GSDMB: variants seen among roughly 807,000 people sequenced by gnomAD.
GSDMB encodes the protein gasdermin B, also known as gasdermin-B.
In GSDMB, 32 loss-of-function variants were observed where a neutral mutation model predicts 42.9. That is an observed-to-expected ratio of 0.75 (90% CI 0.56 to 1.00). GSDMB has a LOEUF of 1.00. GSDMB is among the 50% of genes least tolerant of loss of function. The probability of loss-of-function intolerance (pLI) is 0.00; values close to 1 mark genes in which losing one functional copy is unlikely to be tolerated. For missense variants in GSDMB, 468 were observed against 498.5 expected (o/e 0.94, Z 0.58); for synonymous variants, 175 against 193.7 (o/e 0.90, Z 0.80).
chr17:39,905,474 A>T lies in GSDMB; in HGVS notation c.1050T>A (p.Phe350Leu). ...TCCCCTTCTCCAGGGCCTCAGCCAC[A>T]AACTGCTGCTCTTCAGACAGCTCTG... ...ALLELSEEQQ[F>L]VAEALEKGTL... is the part of the protein sequence containing the mutation. Residue 350 changes from phenylalanine to leucine, a missense_variant, in exon 10 of 11, where the codon TTT (phenylalanine) becomes TTA (leucine). Coordinates refer to ENST00000418519, the MANE Select transcript of GSDMB (RefSeq NM_001165958.2). 1 of 1,610,262 alleles carries T rather than the reference A, an allele frequency of 6.2e-7. No individual in the cohort carries two copies. Among genetic ancestry groups the T allele is most frequent in the Non-Finnish European group, 8.5e-7 (1 of 1,178,272 alleles).
At chr17:39,912,997 C>T (rs1331925857) in intron 2 of GSDMB, among the ~76,000 whole-genome samples, 2 of 152,062 alleles carry the variant, frequency 1.3e-5, no homozygotes, top group Non-Finnish European at 1.5e-5. Context: ...ATCACAGCTA[C>T]TTGAGAGGCT....
At chr17:39,917,950 T>C (rs1458854592) in intron 1 of GSDMB, 1 of 152,576 alleles carries the variant, frequency 6.6e-6, no homozygotes, top group Non-Finnish European at 1.5e-5. Context: ...TCCCAGATTC[T>C]CCTCTGCCCC....
chr17:39,904,876 G>A lies in GSDMB; in HGVS notation c.1187C>T (p.Ala396Val), dbSNP rs1194440617. Residue 396 changes from alanine to valine, a missense_variant, in exon 11 of 11, where the codon GCG (alanine) becomes GTG (valine). Transcript: ENST00000418519. ...CAGGATAGAGACAACAACATACAGC[G>A]CACAGAGAATTCGTGCCTCAGGGTC... ...DYDPEARILC[A>V]LYVVVSILLE... The A allele has an allele frequency of 1.2e-5, 20 of 1,613,326 alleles. No homozygotes were observed. In the East Asian group the frequency reaches 1.6e-4, roughly 13 times the overall value.
At chr17:39,912,225 A>G in intron 3 of GSDMB, 101 bp downstream of exon 3, 1 of 801,140 alleles carries the variant, frequency 1.2e-6, no homozygotes, top group South Asian at 1.9e-5. Context: ...AAAAATAAAA[A>G]TAAATAAATT....
At chr17:39,910,011 A>G (rs2063579174) in intron 3 of GSDMB, 87 bp from the exon 4 acceptor site, 1 of 1,025,602 alleles carries the variant, frequency 9.8e-7, no homozygotes, top group Non-Finnish European at 1.5e-6. Flanking sequence ...GCCAGCTCCT[A>G]TTGAAGATTA....
At chr17:39,908,711 G>A (rs2063552305) in intron 5 of GSDMB, among the ~76,000 whole-genome samples, 1 of 152,152 alleles carries the variant, frequency 6.6e-6, no homozygotes, top group African/African-American at 2.4e-5. Context: ...TGGAGACTGG[G>A]AGAGGAGTTA....
chr17:39,916,180 GATA>G (rs1304334157), intron 2 of GSDMB, among the ~76,000 whole-genome samples: 3 of 151,956 alleles, frequency 2.0e-5, no homozygotes, highest in African/African-American at 4.8e-5. Flanking sequence ...AACATGAAAG[GATA>G]ATAAGAATCA....
chr17:39,906,451 T>A, intron 7 of GSDMB, 180 bp from the exon 8 acceptor site: 1 of 922,384 alleles, frequency 1.1e-6, no homozygotes, highest in Non-Finnish European at 1.6e-6. Context: ...TGCCTCCCAC[T>A]GACCCCACTT....
Position 39,912,262 on chromosome 17 carries a change from G to A in GSDMB, c.407+64C>T, listed in dbSNP as rs560409513. ...TAAAAAGAGCCGGTCTGCCACCCTT[G>A]AATCCCTTGGTGCCCAAGATGGGCT... On this transcript the variant is annotated intron_variant, in intron 3 of 10. Transcript: ENST00000418519. 9 of 1,204,486 alleles carry A rather than the reference G, an allele frequency of 7.5e-6. No individual in the cohort carries two copies. In the African/African-American group the frequency reaches 9.2e-5, roughly 12 times the overall value. The allele number at this position is 1,204,486 out of a possible 1,614,324, so 74.6% of individuals were successfully genotyped here. A position where few individuals can be genotyped will look rare whatever the true frequency, so the allele number is the denominator to read the frequency against.
chr17:39,915,506 C>T (rs1423584744), intron 2 of GSDMB, among the ~76,000 whole-genome samples: 1 of 151,946 alleles, frequency 6.6e-6, no homozygotes, highest in Non-Finnish European at 1.5e-5. Context: ...TTAAACTTTG[C>T]CCTGTCCCTG....
chr17:39,917,500 C>T (rs991483695), intron 1 of GSDMB, 170 bp from the exon 2 acceptor site: 1 of 587,574 alleles, frequency 1.7e-6, no homozygotes, highest in Non-Finnish European at 3.0e-6. Context: ...ACTGAAGATC[C>T]ACAAAAGAAA....
intron 5 of GSDMB, 122 bp from the exon 6 acceptor site, chr17:39,908,336 A>G (rs2063543922): frequency 5.1e-6 from 3 of 590,482 alleles, no homozygotes; most frequent in East Asian, 2.9e-5. Context: ...AAAAAAAAAA[A>G]AAAAAAAGAC....
chr17:39,908,324 C>CAAAAAAAA, intron 5 of GSDMB, 110 bp from the exon 6 acceptor site: 2 of 245,212 alleles, frequency 8.2e-6, no homozygotes, highest in Non-Finnish European at 1.5e-5. Flanking sequence ...AGCCTCCAAT[C>CAAAAAAAA]AAAAAAAAAA....
At chr17:39,918,381 T>C (rs1393039110) in intron 1 of GSDMB, 153 bp downstream of exon 1, 1 of 152,430 alleles carries the variant, frequency 6.6e-6, no homozygotes, top group Non-Finnish European at 1.5e-5. Flanking sequence ...ATATCCCTTC[T>C]GCCCAGCACA....
chr17:39,909,613 C>T (rs548761782), intron 4 of GSDMB, 143 bp downstream of exon 4: 43 of 682,530 alleles, frequency 6.3e-5, no homozygotes, highest in South Asian at 6.0e-4. Context: ...CAATGCCACC[C>T]ACCCTTTCTT....
Position 39,917,244 on chromosome 17 carries a change from C to G in GSDMB, c.73G>C (p.Val25Leu), listed in dbSNP as rs369141327. The change falls in exon 2 of 11, where the codon GTT (valine) becomes CTT (leucine). Residue 25 changes from valine to leucine, a missense_variant. Physicochemically the swap from Val to Leu is conservative, Grantham distance 32 (BLOSUM62 1). Transcript: ENST00000418519. ...CTATCAGCATCAACAAGGCTTCTAACGGCAATCATATCCCCTCCAGCATCC... is the reference window on the plus strand; with the variant it reads ...CTATCAGCATCAACAAGGCTTCTAAGGGCAATCATATCCCCTCCAGCATCC... ...EMDAGGDMIAVRSLVDADRFR... is the reference protein window; with the variant it reads ...EMDAGGDMIALRSLVDADRFR... 5.0e-6 allele frequency: 8 copies of G among 1,613,874 alleles called. No homozygotes were observed. The highest frequency in any genetic ancestry group is 3.3e-5 in the Admixed American group (2 of 59,998).
chr17:39,915,479 A>AT (rs1364146422), intron 2 of GSDMB, among the ~76,000 whole-genome samples: 2 of 151,594 alleles, frequency 1.3e-5, no homozygotes, highest in African/African-American at 2.4e-5. Flanking sequence ...GACTTAGTCA[A>AT]TTTTTTTTTC....
rs1598272087 is a variant in GSDMB, at chr17:39,904,767, T to G, written c.*45A>C. 1.9e-6 allele frequency: 3 copies of G among 1,579,316 alleles called. No homozygotes were observed. The highest frequency in any genetic ancestry group is 2.6e-6 in the Non-Finnish European group (3 of 1,152,804). On this transcript the variant is annotated 3_prime_UTR_variant, in exon 11 of 11. Transcript: ENST00000418519. ...GGCGATGGCAGTGAGGACAGACTGG[T>G]AAAGGGAAAACCCAGAGGCTTGTGG...
At position 39,905,442 on chromosome 17, in the gene GSDMB, G is replaced by T; in HGVS notation, c.1082C>A (p.Pro361His). 2 of 1,607,130 alleles carry T rather than the reference G, an allele frequency of 1.2e-6. No homozygotes were observed. The highest frequency in any genetic ancestry group is 1.7e-6 in the Non-Finnish European group (2 of 1,176,674). Residue 361 changes from proline to histidine, a missense_variant, in exon 10 of 11, where the codon CCT (proline) becomes CAT (histidine). Transcript: ENST00000418519. ...VAEALEKGTLPLLKDQVKSVM... is the reference protein window; with the variant it reads ...VAEALEKGTLHLLKDQVKSVM... ...CTGTCTCACCTGGTCCTTCAACAGA[G>T]GAAGGGTCCCCTTCTCCAGGGCCTC...
Sources: gnomAD v4.1 joint callset for allele counts (sites outside exome capture counted in the v4.1 genomes callset) on GRCh38, gnomAD v4.1.1 for gene constraint, MANE v1.5 for transcripts, NCBI Gene and HGNC (gene_info 2026-07-23, HGNC 2026-07-21) for gene names.